Variants in IRS1 observed in about 807,000 individuals in gnomAD.
IRS1 encodes the protein insulin receptor substrate 1.
Under a neutral mutation model 65.6 loss-of-function variants are expected in IRS1, and 34 were observed. The observed-to-expected ratio is 0.52, with a 90% confidence interval of 0.39 to 0.69. The LOEUF is 0.69. IRS1 is among the 30% of genes least tolerant of loss of function. The probability of loss-of-function intolerance (pLI) is 0.00; values close to 1 mark genes in which losing one functional copy is unlikely to be tolerated. For synonymous variants in IRS1, 699 were observed against 683.5 expected (o/e 1.02, Z -0.35); for missense variants, 1,641 against 1,720.2 (o/e 0.95, Z 0.81).
At position 226,797,515 on chromosome 2, in the gene IRS1, G is replaced by A; in HGVS notation, c.1224C>T (p.Phe408=). The change falls in exon 1 of 2, where the codon TTC becomes TTT. Residue 408 remains phenylalanine, a synonymous_variant. Coordinates refer to ENST00000305123, the MANE Select transcript of IRS1 (RefSeq NM_005544.3). This position sits in a 1 kb window ranked among gnomAD's most constrained non-coding sequence, Gnocchi z 8.1. ...SGHGSTSDCL[F]PRRSSASVSG... Reference sequence around the variant, plus strand: ...ACACCGAAGCACTAGATCGCCGTGGGAAGAGACAATCCGAGGTGGAGCCAT... The same window carrying A: ...ACACCGAAGCACTAGATCGCCGTGGAAAGAGACAATCCGAGGTGGAGCCAT... 6.2e-7 allele frequency: 1 copy of A among 1,612,744 alleles called. No homozygotes were observed. Among genetic ancestry groups the A allele is most frequent in the Non-Finnish European group, 8.5e-7 (1 of 1,179,778 alleles).
intron 1 of IRS1, among the ~76,000 whole-genome samples, chr2:226,784,598 T>C (rs1939452811): frequency 6.6e-6 from 1 of 152,066 alleles, no homozygotes; most frequent in Non-Finnish European, 1.5e-5. Flanking sequence ...AATTTTTGTA[T>C]TTTTAGTAGA....
chr2:226,758,539 TA>T (rs1481332313), intron 1 of IRS1, among the ~76,000 whole-genome samples: 4 of 152,156 alleles, frequency 2.6e-5, no homozygotes, highest in African/African-American at 9.7e-5. Context: ...TAGACTTGGG[TA>T]GAAATTTTCC....
chr2:226,792,113 T>C (rs969098086), intron 1 of IRS1: 1 of 151,978 alleles, frequency 6.6e-6, no homozygotes, highest in Non-Finnish European at 1.5e-5. Flanking sequence ...GAAAAAGAAA[T>C]GGAAAGAGTC....
chr2:226,763,010 G>C (rs908409159), intron 1 of IRS1, among the ~76,000 whole-genome samples: 1 of 152,132 alleles, frequency 6.6e-6, no homozygotes, highest in Admixed American at 6.5e-5. Flanking sequence ...AAACTCATTT[G>C]GGAACATTTA....
rs1938278751 is a variant in IRS1 at position 226,733,976 on chromosome 2, C to T, written c.*2296G>A. The T allele has an allele frequency of 1.3e-5, 2 of 152,070 alleles. No individual in the cohort carries two copies. Among genetic ancestry groups the T allele is most frequent in the Non-Finnish European group, 2.9e-5 (2 of 68,014 alleles). 9.4% of individuals were successfully genotyped at this position (152,070 alleles called of 1,614,324 possible). On this transcript the variant is annotated 3_prime_UTR_variant, in exon 2 of 2. Transcript: ENST00000305123. ...CTCATTCAAAACATGTTGATAATTC[C>T]ACATGTAGAGGTATCTCGGTAACAC...
chr2:226,750,249 CAAAAA>C (rs75785691), intron 1 of IRS1, among the ~76,000 whole-genome samples: 3 of 59,978 alleles, frequency 5.0e-5, no homozygotes, highest in South Asian at 6.5e-4. Context: ...AACTCTGTCT[CAAAAA>C]AAAAAAAAAA....
chr2:226,797,506 T>A lies in IRS1; in HGVS notation c.1233A>T (p.Arg411=). Residue 411 remains arginine (R), a synonymous_variant, in exon 1 of 2, where the codon CGA becomes CGT. Coordinates refer to ENST00000305123, the MANE Select transcript of IRS1 (RefSeq NM_005544.3). This position sits in a 1 kb window ranked among gnomAD's most constrained non-coding sequence, Gnocchi z 8.1. The part of the protein sequence containing the change: ...GSTSDCLFPR[R]SSASVSGSPS... ...GGGAACCAGACACCGAAGCACTAGATCGCCGTGGGAAGAGACAATCCGAGG... is the reference window on the plus strand; with the variant it reads ...GGGAACCAGACACCGAAGCACTAGAACGCCGTGGGAAGAGACAATCCGAGG... The A allele has an allele frequency of 6.2e-7, 1 of 1,613,024 alleles. No individual in the cohort carries two copies.
chr2:226,762,925 T>C (rs1269712872), intron 1 of IRS1, among the ~76,000 whole-genome samples: 1 of 152,220 alleles, frequency 6.6e-6, no homozygotes, highest in Non-Finnish European at 1.5e-5. Context: ...ACAAGTGGTC[T>C]GCCAGAGCGT....
At chr2:226,740,833 T>TA (rs1938421184) in intron 1 of IRS1, among the ~76,000 whole-genome samples, 1 of 152,128 alleles carries the variant, frequency 6.6e-6, no homozygotes. Flanking sequence ...AACTGTGCTT[T>TA]AAAAAAATGA....
At position 226,732,468 on chromosome 2, in the gene IRS1, CTATATATATA is replaced by C. The variant is rs34148710; in HGVS notation, c.*3794_*3803del. On this transcript the variant is annotated 3_prime_UTR_variant, in exon 2 of 2. Coordinates refer to ENST00000305123, the MANE Select transcript of IRS1 (RefSeq NM_005544.3). ...TCAAGTTTCTCACAAGCCTATACAT[CTATATATATA>C]TATATATATATATACACACACACAC... The C allele has an allele frequency of 7.5e-6, 1 of 133,238 alleles. No homozygotes were observed. The highest frequency in any genetic ancestry group is 1.6e-5 in the Non-Finnish European group (1 of 61,236). 8.3% of individuals were successfully genotyped at this position (133,238 alleles called of 1,614,324 possible).
chr2:226,786,534 A>G (rs1244110751), intron 1 of IRS1, among the ~76,000 whole-genome samples: 1 of 152,070 alleles, frequency 6.6e-6, no homozygotes, highest in Non-Finnish European at 1.5e-5. Flanking sequence ...CAAAATTTAT[A>G]AGCAGTCTAT....
At chr2:226,771,519 A>C (rs1939164467) in intron 1 of IRS1, among the ~76,000 whole-genome samples, 1 of 152,232 alleles carries the variant, frequency 6.6e-6, no homozygotes, top group African/African-American at 2.4e-5. Context: ...GCCAGGAGTT[A>C]GAATTTTAGT....
intron 1 of IRS1, among the ~76,000 whole-genome samples, chr2:226,775,066 C>G (rs1318906750): frequency 6.6e-6 from 1 of 152,084 alleles, no homozygotes; most frequent in Non-Finnish European, 1.5e-5. Flanking sequence ...ATAGCACAAA[C>G]AGTAAACTTT....
chr2:226,758,575 T>C (rs1283244436), intron 1 of IRS1, among the ~76,000 whole-genome samples: 2 of 152,192 alleles, frequency 1.3e-5, no homozygotes, highest in Non-Finnish European at 2.9e-5. Context: ...TAAACTTTGA[T>C]ATAATATAGA....
At position 226,746,536 on chromosome 2, in the gene IRS1, A is replaced by C. The variant is rs192313386; in HGVS notation, c.*22-10286T>G. Among the ~76,000 whole-genome samples the C allele has an allele frequency of 1.5e-3, 236 of 152,298 alleles. 3 individuals are homozygous for C. The highest frequency in any genetic ancestry group is 5.4e-3 in the African/African-American group (223 of 41,568). On this transcript the variant is annotated intron_variant, in intron 1 of 1. Coordinates refer to ENST00000305123, the MANE Select transcript of IRS1 (RefSeq NM_005544.3). ...ATCCACTGCTTGCAGCTCTAAGGTCACTGAGGCAGACAATGGTGCAAATTT... is the reference window on the plus strand; with the variant it reads ...ATCCACTGCTTGCAGCTCTAAGGTCCCTGAGGCAGACAATGGTGCAAATTT...
chr2:226,752,408 A>C (rs1371822354), intron 1 of IRS1, among the ~76,000 whole-genome samples: 2 of 152,224 alleles, frequency 1.3e-5, no homozygotes, highest in African/African-American at 4.8e-5. Flanking sequence ...ACTTATTAGG[A>C]AGTCAGCCAC....
Position 226,735,954 on chromosome 2 carries a change from G to C in IRS1, c.*318C>G, listed in dbSNP as rs1938315543. The stretch of plus-strand genomic sequence containing the variant: ...TAAACCCATTCTCTCATGACACGGT[G>C]GTGGGCACATCAGCTCACTGTGGCC... On this transcript the variant is annotated 3_prime_UTR_variant, in exon 2 of 2. Transcript: ENST00000305123. 1 of 152,566 alleles carries C rather than the reference G, an allele frequency of 6.6e-6. No individual in the cohort carries two copies. Among genetic ancestry groups the C allele is most frequent in the Non-Finnish European group, 1.5e-5 (1 of 68,026 alleles). 9.5% of individuals were successfully genotyped at this position (152,566 alleles called of 1,614,324 possible). A position where few individuals can be genotyped will look rare whatever the true frequency, so the allele number is the denominator to read the frequency against.
At chr2:226,791,657 G>T (rs1000318685) in intron 1 of IRS1, among the ~76,000 whole-genome samples, 1 of 152,076 alleles carries the variant, frequency 6.6e-6, no homozygotes, top group South Asian at 2.1e-4. Context: ...ACCACCGCCA[G>T]GGGACCCGCG....
At chr2:226,738,845 T>C (rs1422683486) in intron 1 of IRS1, among the ~76,000 whole-genome samples, 1 of 152,196 alleles carries the variant, frequency 6.6e-6, no homozygotes, top group Non-Finnish European at 1.5e-5. Context: ...ACAAACAAAC[T>C]GCCGAACATA....
Sources: allele counts gnomAD v4.1 joint callset (sites outside exome capture counted in the v4.1 genomes callset), GRCh38; gene constraint gnomAD v4.1.1; non-coding constraint Gnocchi (gnomAD v3.1); transcripts MANE v1.5; gene names NCBI Gene and HGNC (gene_info 2026-07-23, HGNC 2026-07-21).